RABAC1: variants seen among roughly 807,000 people sequenced by gnomAD.
The protein encoded by RABAC1 is prenylated Rab acceptor protein 1.
Under a neutral mutation model 22.9 loss-of-function variants are expected in RABAC1, and 16 were observed. That is an observed-to-expected ratio of 0.70 (90% confidence interval 0.47 to 1.06). The LOEUF (loss-of-function observed/expected upper bound fraction) is 1.06. Among genes scored for constraint, RABAC1 ranks in the 50% least tolerant of loss-of-function variants. The pLI is 0.00. For synonymous variants in RABAC1, 139 were observed against 107.7 expected, an observed-to-expected ratio of 1.29 and a Z score of -1.80; for missense variants, 227 against 246.5, an observed-to-expected ratio of 0.92 and a Z score of 0.53.
At chr19:41,959,023 G>T in intron 1 of RABAC1, 75 bp from the exon 2 acceptor site, 1 of 1,434,276 alleles carries the variant, frequency 7.0e-7, no homozygotes, top group Non-Finnish European at 9.3e-7. Flanking sequence ...GGGACTAAGG[G>T]TGCCTGGACT....
intron 1 of RABAC1, 118 bp from the exon 2 acceptor site, chr19:41,959,066 G>A: frequency 7.5e-7 from 1 of 1,327,956 alleles, no homozygotes; most frequent in Non-Finnish European, 1.0e-6. Context: ...TGTACAGCAG[G>A]CAGGGAGGGG....
rs782366225 is a variant in RABAC1, at chr19:41,958,823, C to A, written c.182G>T (p.Gly61Val). The change falls in exon 2 of 5, where the codon GGA becomes GTA. Residue 61 changes from glycine to valine, a missense_variant. Gly to Val is a moderately radical substitution (Grantham distance 109). Transcript: ENST00000222008. ...QQRFSRPRNL[G>V]ELCQRLVRNV... ...GCGTACGAGGCGCTGGCACAGCTCTCCCAGGTTGCGGGGCCGTGAGAAGCG... is the reference window on the plus strand; with the variant it reads ...GCGTACGAGGCGCTGGCACAGCTCTACCAGGTTGCGGGGCCGTGAGAAGCG... The A allele has an allele frequency of 6.2e-7, 1 of 1,611,006 alleles. No individual in the cohort carries two copies. The highest frequency in any genetic ancestry group is 1.7e-5 in the Admixed American group (1 of 59,994).
At chr19:41,958,616 A>C in intron 2 of RABAC1, 120 bp downstream of exon 2, 1 of 1,159,876 alleles carries the variant, frequency 8.6e-7, no homozygotes, top group Non-Finnish European at 1.2e-6. Context: ...CTGGGCGGTG[A>C]GAAGAGGGCC....
At chr19:41,957,980 G>A (rs2074997634) in intron 3 of RABAC1, 4 of 332,300 alleles carry the variant, frequency 1.2e-5, no homozygotes, top group Admixed American at 4.3e-5. Context: ...GATGTTGGCC[G>A]CAGAGAGCGG....
chr19:41,957,243 G>A, intron 3 of RABAC1, 124 bp from the exon 4 acceptor site: 2 of 771,046 alleles, frequency 2.6e-6, no homozygotes, highest in Non-Finnish European at 4.3e-6. Context: ...AACTCCTCAT[G>A]CCAAGGCCCT....
At position 41,959,281 on chromosome 19, in the gene RABAC1, C is replaced by T. The variant is rs2145932596; in HGVS notation, c.12G>A (p.Gln4=). The T allele has an allele frequency of 1.2e-6, 2 of 1,613,728 alleles. No individual in the cohort carries two copies. The highest frequency in any genetic ancestry group is 1.1e-5 in the South Asian group (1 of 91,092). The part of the protein sequence containing the change: MAA[Q]KDQQKDAEAE... ...CCTCGGCATCTTTCTGCTGGTCCTT[C>T]TGCGCTGCCATGTCTGCGTCGTGAG... Residue 4 remains glutamine, a synonymous_variant, in exon 1 of 5, where the codon CAG becomes CAA. Transcript: ENST00000222008.
intron 3 of RABAC1, 115 bp from the exon 4 acceptor site, chr19:41,957,234 ACTC>A: frequency 2.3e-6 from 2 of 858,090 alleles, no homozygotes; most frequent in Non-Finnish European, 3.7e-6. Context: ...TCGAATCCAA[ACTC>A]CTCATGCCAA....
In RABAC1 at chr19:41,959,250, C is replaced by T; in HGVS notation, c.43G>A (p.Gly15Arg). The T allele has an allele frequency of 6.2e-7, 1 of 1,613,636 alleles. No individual in the cohort carries two copies. The highest frequency in any genetic ancestry group is 1.1e-5 in the South Asian group (1 of 91,084). Residue 15 changes from glycine (G) to arginine (R), a missense_variant, in exon 1 of 5, where the codon GGG becomes AGG. Gly to Arg is a moderately radical substitution (Grantham distance 125). Transcript: ENST00000222008. ...KDQQKDAEAE[G>R]LSGTTLLPKL... ...CAGCTCGCTCACGTGCCGCTCAGCC[C>T]TTCCGCCTCGGCATCTTTCTGCTGG...
rs15013 is a variant in RABAC1, at chr19:41,956,880, A to G, written c.524T>C (p.Val175Ala). 5 of 1,612,484 alleles carry G rather than the reference A, an allele frequency of 3.1e-6. No individual in the cohort carries two copies. The highest frequency in any genetic ancestry group is 4.2e-6 in the Non-Finnish European group (5 of 1,179,514). Reference protein sequence around the residue: ...SHAAFHQIEAVDGEELQMEPV With the variant: ...SHAAFHQIEAADGEELQMEPV ...TTCCATCTGCAGCTCCTCCCCGTCCACAGCCTCAATCTGGTGGAAGGCAGC... is the reference window on the plus strand; with the variant it reads ...TTCCATCTGCAGCTCCTCCCCGTCCGCAGCCTCAATCTGGTGGAAGGCAGC... The change falls in exon 5 of 5, where the codon GTG (valine) becomes GCG (alanine). Residue 175 changes from valine (V) to alanine (A), a missense_variant. Transcript: ENST00000222008.
intron 2 of RABAC1, 37 bp downstream of exon 2, chr19:41,958,699 G>C (rs782774821): frequency 1.9e-6 from 3 of 1,589,366 alleles, no homozygotes; most frequent in Admixed American, 1.7e-5. Flanking sequence ...CCAGCCGGTC[G>C]GGGCTAGTGC....
Position 41,956,865 on chromosome 19 carries a change from A to G in RABAC1, c.539T>C (p.Leu180Pro). The G allele has an allele frequency of 6.2e-7, 1 of 1,611,792 alleles. No individual in the cohort carries two copies. Among genetic ancestry groups the G allele is most frequent in the Non-Finnish European group, 8.5e-7 (1 of 1,179,204 alleles). ...HQIEAVDGEE[L>P]QMEPV is the part of the protein sequence containing the mutation. ...GACACCTCACACGGGTTCCATCTGCAGCTCCTCCCCGTCCACAGCCTCAAT... is the reference window on the plus strand; with the variant it reads ...GACACCTCACACGGGTTCCATCTGCGGCTCCTCCCCGTCCACAGCCTCAAT... The change falls in exon 5 of 5, where the codon CTG becomes CCG. Residue 180 changes from leucine to proline, a missense_variant. Leu to Pro is a moderately conservative substitution (Grantham distance 98, BLOSUM62 -3). Transcript: ENST00000222008.
intron 1 of RABAC1, 23 bp downstream of exon 1, chr19:41,959,214 G>A: frequency 6.2e-7 from 1 of 1,613,130 alleles, no homozygotes; most frequent in Non-Finnish European, 8.5e-7. Flanking sequence ...TCTGGTCCGA[G>A]GGCCTAGAGC....
At chr19:41,958,122 G>A in intron 3 of RABAC1, 164 bp downstream of exon 3, 2 of 634,956 alleles carry the variant, frequency 3.1e-6, no homozygotes, top group Admixed American at 2.7e-5. Context: ...AGGATCGGTT[G>A]TGTCTGAGAT....
At position 41,957,200 on chromosome 19, in the gene RABAC1, C is replaced by T. The variant is rs113861226; in HGVS notation, c.368-81G>A. The T allele has an allele frequency of 3.5e-3, 4,205 of 1,191,100 alleles. 64 individuals carry two copies. The African/African-American group carries it at 0.04, about 11-fold the overall frequency. 73.8% of individuals were successfully genotyped at this position (1,191,100 alleles called of 1,614,324 possible). A position where few individuals can be genotyped will look rare whatever the true frequency, so the allele number is the denominator to read the frequency against. On this transcript the variant is annotated intron_variant, in intron 3 of 4. Coordinates refer to ENST00000222008, the MANE Select transcript of RABAC1 (RefSeq NM_006423.3). Reference sequence around the variant, plus strand: ...TAACCCCTGCTGCCCCCCAACAATCCGTACAAGCTCCAGGTTCTCGGGATC... The same window carrying T: ...TAACCCCTGCTGCCCCCCAACAATCTGTACAAGCTCCAGGTTCTCGGGATC...
intron 1 of RABAC1, 117 bp from the exon 2 acceptor site, chr19:41,959,065 G>A: frequency 7.5e-7 from 1 of 1,329,326 alleles, no homozygotes; most frequent in Non-Finnish European, 1.0e-6. Flanking sequence ...CTGTACAGCA[G>A]GCAGGGAGGG....
At position 41,956,790 on chromosome 19, in the gene RABAC1, G is replaced by C; in HGVS notation, c.*56C>G. On this transcript the variant is annotated 3_prime_UTR_variant, in exon 5 of 5. Coordinates refer to ENST00000222008, the MANE Select transcript of RABAC1 (RefSeq NM_006423.3). The stretch of plus-strand genomic sequence containing the variant: ...CGAGCAGCAGAGCCGTGCAGGACAG[G>C]CATGGGCAGGGGTGGGGCAGCTGGC... The C allele has an allele frequency of 6.7e-7, 1 of 1,500,328 alleles. No homozygotes were observed. The highest frequency in any genetic ancestry group is 9.1e-7 in the Non-Finnish European group (1 of 1,097,862). The allele number at this position is 1,500,328 out of a possible 1,614,324, so 92.9% of individuals were successfully genotyped here. A position where few individuals can be genotyped will look rare whatever the true frequency, so the allele number is the denominator to read the frequency against.
chr19:41,958,473 C>CTATATATA, intron 2 of RABAC1, 90 bp from the exon 3 acceptor site: 1 of 1,288,252 alleles, frequency 7.8e-7, no homozygotes, highest in Non-Finnish European at 1.1e-6. Context: ...GGGCGGCAAG[C>CTATATATA]TACATCCTGG....
chr19:41,958,395 G>C lies in RABAC1; in HGVS notation c.270-12C>G, dbSNP rs2074999579. 2 of 1,609,534 alleles carry C rather than the reference G, an allele frequency of 1.2e-6. No individual in the cohort carries two copies. The highest frequency in any genetic ancestry group is 2.2e-5 in the South Asian group (2 of 90,644). ...TAGGGGACGTCACCCTGGAGGAGGA[G>C]TGCAGGGAGGCAGCGGTTAGACAGC... On this transcript the variant is annotated splice_polypyrimidine_tract_variant and intron_variant, in intron 2 of 4. Coordinates refer to ENST00000222008, the MANE Select transcript of RABAC1 (RefSeq NM_006423.3).
chr19:41,958,462 C>T (rs1344518912), intron 2 of RABAC1, 79 bp from the exon 3 acceptor site: 9 of 1,380,458 alleles, frequency 6.5e-6, no homozygotes, highest in Admixed American at 1.9e-5. Context: ...TCTCCACCGG[C>T]GGGCGGCAAG....
Sources: gnomAD v4.1 joint callset for allele counts on GRCh38, gnomAD v4.1.1 for gene constraint, MANE v1.5 for transcripts, NCBI Gene and HGNC (gene_info 2026-07-23, HGNC 2026-07-21) for gene names.